The following JMJD1C variants were observed in gnomAD, a reference collection of about 807,000 sequenced individuals.
JMJD1C encodes the protein jumonji domain-containing protein 1C.
A neutral mutation model predicts 245.3 loss-of-function variants in JMJD1C; 31 were observed. The ratio of observed to expected loss-of-function variants is 0.13; its 90% CI spans 0.09 to 0.17. JMJD1C has a LOEUF of 0.17. Among genes scored for constraint, JMJD1C ranks in the 10% least tolerant of loss-of-function variants. The probability of loss-of-function intolerance (pLI) is 1.00; values close to 1 mark genes in which losing one functional copy is unlikely to be tolerated. For synonymous variants in JMJD1C, 1,057 were observed against 1,017.4 expected, an observed-to-expected ratio of 1.04 and a Z score of -0.74; for missense variants, 2,691 against 3,000.2, an observed-to-expected ratio of 0.90 and a Z score of 2.41.
intron 1 of JMJD1C, among the ~76,000 whole-genome samples, chr10:63,424,093 G>C (rs533456779): frequency 3.4e-4 from 51 of 152,126 alleles, no homozygotes; most frequent in African/African-American, 1.2e-3. Context: ...TGGATTTTTA[G>C]AGACAAGATC....
At chr10:63,502,895 G>C (rs1489632319) in intron 1 of JMJD1C, among the ~76,000 whole-genome samples, 3 of 152,138 alleles carry the variant, frequency 2.0e-5, no homozygotes, top group Non-Finnish European at 4.4e-5. Context: ...CACAGCTGTA[G>C]ATAACAGCAA....
chr10:63,458,181 T>A (rs1258435355), intron 1 of JMJD1C, among the ~76,000 whole-genome samples: 2 of 152,194 alleles, frequency 1.3e-5, no homozygotes, highest in African/African-American at 4.8e-5. Flanking sequence ...GATTAAGAAT[T>A]TTATATCTAA....
At chr10:63,482,085 G>A (rs117220400) in intron 1 of JMJD1C, among the ~76,000 whole-genome samples, 92 of 152,162 alleles carry the variant, frequency 6.0e-4, no homozygotes, top group East Asian at 4.8e-3. Context: ...CTTGGAAACC[G>A]CAACTAAATG....
chr10:63,318,981 G>A (rs1940468965), intron 2 of JMJD1C, among the ~76,000 whole-genome samples: 1 of 151,902 alleles, frequency 6.6e-6, no homozygotes, highest in African/African-American at 2.4e-5. Flanking sequence ...TTAAAATCTA[G>A]GTTCTCTTCA....
chr10:63,176,701 C>A, intron 23 of JMJD1C: 1 of 421,548 alleles, frequency 2.4e-6, no homozygotes, highest in South Asian at 4.5e-5. Flanking sequence ...TTTACTACTT[C>A]CTTCTCACCA....
At chr10:63,487,713 C>A (rs555046988) in intron 1 of JMJD1C, among the ~76,000 whole-genome samples, 5 of 152,106 alleles carry the variant, frequency 3.3e-5, no homozygotes, top group Non-Finnish European at 7.4e-5. Context: ...ATGAGGGGGA[C>A]AAAGTGGCCT....
chr10:63,327,169 A>G (rs1272908577), intron 2 of JMJD1C, among the ~76,000 whole-genome samples: 1 of 152,194 alleles, frequency 6.6e-6, no homozygotes, highest in Non-Finnish European at 1.5e-5. Context: ...CGTGAGCCAC[A>G]GACTGAGACC....
At chr10:63,323,474 C>T (rs1401512811) in intron 2 of JMJD1C, among the ~76,000 whole-genome samples, 2 of 152,022 alleles carry the variant, frequency 1.3e-5, no homozygotes, top group African/African-American at 4.8e-5. Context: ...GAGCCAAGAT[C>T]GCGCCACTGT....
At chr10:63,434,311 C>T (rs549595694) in intron 1 of JMJD1C, among the ~76,000 whole-genome samples, 12 of 152,228 alleles carry the variant, frequency 7.9e-5, no homozygotes, top group South Asian at 2.1e-4. Flanking sequence ...ATGCAACATA[C>T]GTTACAAACG....
At chr10:63,251,691 C>A (rs1344324987) in intron 3 of JMJD1C, among the ~76,000 whole-genome samples, 1 of 152,180 alleles carries the variant, frequency 6.6e-6, no homozygotes, top group African/African-American at 2.4e-5. Context: ...CTGAAAGCAC[C>A]TGGTATGCCA....
intron 1 of JMJD1C, among the ~76,000 whole-genome samples, chr10:63,391,619 C>T (rs768745280): frequency 1.1e-4 from 16 of 152,094 alleles, no homozygotes; most frequent in Non-Finnish European, 1.6e-4. Context: ...AAGATGCCTA[C>T]AATGAAAACT....
In JMJD1C at chr10:63,207,347, G is replaced by A; in HGVS notation, c.4322C>T (p.Pro1441Leu). 6.2e-7 allele frequency: 1 copy of A among 1,613,812 alleles called. No homozygotes were observed. Among genetic ancestry groups the A allele is most frequent in the Non-Finnish European group, 8.5e-7 (1 of 1,180,014 alleles). ...CTTGCATTCTTGTTTTTGAGCCACTGGCTGACTGACACTTTTTGAAGATAC... is the reference window on the plus strand; with the variant it reads ...CTTGCATTCTTGTTTTTGAGCCACTAGCTGACTGACACTTTTTGAAGATAC... ...ECVSSKSVSQ[P>L]VAQKQECKVS... Residue 1441 changes from proline (P) to leucine (L), a missense_variant, in exon 10 of 26, where the codon CCA becomes CTA. Pro to Leu is a moderately conservative substitution (Grantham distance 98). Transcript: ENST00000399262.
At chr10:63,462,066 G>C (rs996566842) in intron 1 of JMJD1C, among the ~76,000 whole-genome samples, 1 of 152,050 alleles carries the variant, frequency 6.6e-6, no homozygotes, top group African/African-American at 2.4e-5. Flanking sequence ...ACAAAACTCA[G>C]TAATGGGGCT....
intron 3 of JMJD1C, 101 bp from the exon 4 acceptor site, chr10:63,220,084 T>C: frequency 1.3e-6 from 1 of 778,452 alleles, no homozygotes; most frequent in Non-Finnish European, 2.1e-6. Context: ...TAAAATTCCT[T>C]TGATCTAAAT....
At chr10:63,454,848 T>C (rs150496093) in intron 1 of JMJD1C, among the ~76,000 whole-genome samples, 1 of 152,368 alleles carries the variant, frequency 6.6e-6, no homozygotes, top group African/African-American at 2.4e-5. Context: ...TAGTTTCACA[T>C]GTTCCTCTAC....
rs552045908 is a variant in JMJD1C, at chr10:63,493,149, A to G, written n.113+28589T>C. ...TCACTGAGTATGGAGACTTAACAAAATAATGTATTCATAGCAAAAAGATAT... is the reference window on the plus strand; with the variant it reads ...TCACTGAGTATGGAGACTTAACAAAGTAATGTATTCATAGCAAAAAGATAT... On this transcript the variant is annotated intron_variant and non_coding_transcript_variant, in intron 1 of 3. Coordinates refer to the JMJD1C transcript ENST00000633035. 1.5e-4 allele frequency among the ~76,000 whole-genome samples: 23 copies of G among 152,186 alleles called. 1 individual carries two copies. In the South Asian group the frequency reaches 4.8e-3, roughly 32 times the overall value.
intron 1 of JMJD1C, among the ~76,000 whole-genome samples, chr10:63,382,066 C>T (rs1947262503): frequency 6.6e-6 from 1 of 152,102 alleles, no homozygotes; most frequent in African/African-American, 2.4e-5. Flanking sequence ...CAAAAATTAG[C>T]TGGGTGTGGT....
chr10:63,276,519 T>C (rs927294884), intron 2 of JMJD1C, among the ~76,000 whole-genome samples: 1 of 149,936 alleles, frequency 6.7e-6, no homozygotes, highest in Non-Finnish European at 1.5e-5. Flanking sequence ...ACCCCAACTC[T>C]ACTAAAAATA....
chr10:63,476,852 G>A (rs191641344), intron 1 of JMJD1C, among the ~76,000 whole-genome samples: 409 of 152,272 alleles, frequency 2.7e-3, no homozygotes, highest in Non-Finnish European at 3.0e-3. Context: ...ACCACTTGAG[G>A]CCAGCAGATC....
Sources: allele counts gnomAD v4.1 joint callset (sites outside exome capture counted in the v4.1 genomes callset), GRCh38; gene constraint gnomAD v4.1.1; transcripts MANE v1.5; gene names NCBI Gene and HGNC (gene_info 2026-07-23, HGNC 2026-07-21).